GALC: variants seen among roughly 807,000 people sequenced by gnomAD.
GALC encodes the protein galactocerebrosidase.
GALC carries 77 observed loss-of-function variants against 91.8 expected under a neutral mutation model. The observed-to-expected ratio is 0.84, with a 90% CI of 0.70 to 1.01. GALC has a LOEUF of 1.01. Ranked by LOEUF, GALC falls within the 50% of genes least tolerant of loss-of-function variation. GALC has a pLI of 0.00. For missense variants in GALC, 882 were observed against 855.9 expected (o/e 1.03, Z -0.38); for synonymous variants, 357 against 306.7 (o/e 1.16, Z -1.71).
rs36205603 is a variant in GALC, at chr14:87,962,578, TACACACACAC to T, written c.1161+796_1161+805del. ...GGCTGACATTCAGAACCTGATATGA[TACACACACAC>T]ACACACACACACACACACACACACA... On this transcript the variant is annotated intron_variant, in intron 10 of 16. Coordinates refer to ENST00000261304, the MANE Select transcript of GALC (RefSeq NM_000153.4). Among the ~76,000 whole-genome samples the T allele has an allele frequency of 9.0e-3, 1,318 of 146,414 alleles. 5 individuals are homozygous for T. The highest frequency in any genetic ancestry group is 0.025 in the South Asian group (110 of 4,412).
chr14:87,967,062 G>A (rs1022265089), intron 8 of GALC, among the ~76,000 whole-genome samples: 1 of 152,092 alleles, frequency 6.6e-6, no homozygotes, highest in Non-Finnish European at 1.5e-5. Flanking sequence ...CGAGTGTCTC[G>A]GGTGCTTCTT....
chr14:87,962,071 C>T (rs1885828372), intron 10 of GALC, among the ~76,000 whole-genome samples: 2 of 152,044 alleles, frequency 1.3e-5, no homozygotes, highest in South Asian at 4.1e-4. Flanking sequence ...TGACTTCCCA[C>T]CTGTTAGGGA....
chr14:87,967,868 A>C lies in GALC; in HGVS notation c.908+467T>G, dbSNP rs10144227. ...GCTTGACTATTCCTTTTCTTTAAAAAAGCTACAAATGACATTTTTGGGAAA... is the reference window on the plus strand; with the variant it reads ...GCTTGACTATTCCTTTTCTTTAAAACAGCTACAAATGACATTTTTGGGAAA... On this transcript the variant is annotated intron_variant, in intron 8 of 16. Transcript: ENST00000261304. Among the ~76,000 whole-genome samples the C allele has an allele frequency of 7.0e-3, 1,069 of 152,306 alleles. 15 individuals are homozygous for C. Among genetic ancestry groups the C allele is most frequent in the East Asian group, 0.044 (227 of 5,174 alleles).
chr14:87,987,585 A>T (rs1887027028), intron 3 of GALC, among the ~76,000 whole-genome samples: 1 of 152,210 alleles, frequency 6.6e-6, no homozygotes, highest in Non-Finnish European at 1.5e-5. Flanking sequence ...TTCTGTAAAT[A>T]ATAAGCTATA....
At chr14:87,990,050 G>A (rs761636679) in intron 1 of GALC, among the ~76,000 whole-genome samples, 1 of 152,100 alleles carries the variant, frequency 6.6e-6, no homozygotes, top group Admixed American at 6.5e-5. Context: ...GAATTTGAAG[G>A]AAGGATGCCT....
chr14:87,953,329 T>C, intron 10 of GALC: 1 of 1,433,322 alleles, frequency 7.0e-7, no homozygotes, highest in Middle Eastern at 2.5e-4. Context: ...AAAGGCAAGT[T>C]ACGGGAAGAT....
chr14:87,959,402 A>T (rs1786837376), intron 10 of GALC, among the ~76,000 whole-genome samples: 2 of 152,186 alleles, frequency 1.3e-5, no homozygotes, highest in Admixed American at 1.3e-4. Context: ...CCACTATAAA[A>T]AACAGTGTGG....
rs1884855641 is a variant in GALC, at chr14:87,941,552, A to G, written c.1677T>C (p.Asn559=). 7 of 1,572,046 alleles carry G rather than the reference A, an allele frequency of 4.5e-6. No homozygotes were observed. Among genetic ancestry groups the G allele is most frequent in the Non-Finnish European group, 6.1e-6 (7 of 1,142,068 alleles). The change falls in exon 15 of 17, where the codon AAT becomes AAC. Residue 559 remains asparagine (N), a synonymous_variant. Transcript: ENST00000261304. ...ISIIGDYNWT[N]LTIKCDVYIE... ...TGTATACATCACACTTTATAGTCAGATTGGTCCTGCAAAATAAAACGGTTG... is the reference window on the plus strand; with the variant it reads ...TGTATACATCACACTTTATAGTCAGGTTGGTCCTGCAAAATAAAACGGTTG...
At chr14:87,936,920 A>ATATT (rs1257801348) in intron 16 of GALC, among the ~76,000 whole-genome samples, 2 of 141,394 alleles carry the variant, frequency 1.4e-5, no homozygotes, top group African/African-American at 2.7e-5. Context: ...ATATTTATTT[A>ATATT]TTTTCTCATT....
At chr14:87,975,017 T>C (rs1595224842) in intron 7 of GALC, among the ~76,000 whole-genome samples, 1 of 152,106 alleles carries the variant, frequency 6.6e-6, no homozygotes, top group Admixed American at 6.5e-5. Flanking sequence ...ACTTCAACTA[T>C]TTATGAAAGC....
upstream of GALC, chr14:87,993,605 T>C (rs1887339550): frequency 2.5e-6 from 2 of 787,088 alleles, no homozygotes; most frequent in African/African-American, 1.7e-5. Flanking sequence ...AGTTTTCCCT[T>C]ATGTGAGATG....
chr14:87,977,098 C>T (rs896772575), intron 6 of GALC, among the ~76,000 whole-genome samples: 1 of 148,970 alleles, frequency 6.7e-6, no homozygotes, highest in African/African-American at 2.5e-5. Context: ...CATTATTTTG[C>T]TATGCATTCT....
In GALC at chr14:87,934,926, T is replaced by C. The variant is rs147161584; in HGVS notation, c.1912-48A>G. 2.6e-4 allele frequency: 367 copies of C among 1,389,062 alleles called. 1 individual carries two copies. In the African/African-American group the frequency reaches 4.6e-3, roughly 18 times the overall value. 86.0% of individuals were successfully genotyped at this position (1,389,062 alleles called of 1,614,324 possible). A position where few individuals can be genotyped will look rare whatever the true frequency, so the allele number is the denominator to read the frequency against. ...CCTTGAAACCATATGAAAATGGTCC[T>C]CTGAAGTCTGTTTCTTGATCATGTA... On this transcript the variant is annotated intron_variant, in intron 16 of 16. Transcript: ENST00000261304.
intron 10 of GALC, among the ~76,000 whole-genome samples, chr14:87,952,065 A>T (rs995610038): frequency 2.0e-5 from 3 of 151,886 alleles, no homozygotes; most frequent in Admixed American, 6.6e-5. Context: ...TGGAAATAAA[A>T]TTTTTTTAAA....
Position 87,941,434 on chromosome 14 carries a change from T to C in GALC, c.1795A>G (p.Ile599Val). The C allele has an allele frequency of 6.2e-7, 1 of 1,608,538 alleles. No individual in the cohort carries two copies. Among genetic ancestry groups the C allele is most frequent in the East Asian group, 2.2e-5 (1 of 44,738 alleles). Reference protein sequence around the residue: ...IRSARGIFFWIFANGSYRVTG... With the variant: ...IRSARGIFFWVFANGSYRVTG... ...ACCCTGTAAGATCCATTTGCAAAAA[T>C]CCAGAAGAAAATTCCTCTGGCACTT... The change falls in exon 15 of 17, where the codon ATT becomes GTT. Residue 599 changes from isoleucine to valine, a missense_variant. Transcript: ENST00000261304.
At chr14:87,956,622 C>CATAT (rs151139562) in intron 10 of GALC, among the ~76,000 whole-genome samples, 16 of 145,792 alleles carry the variant, frequency 1.1e-4, no homozygotes, top group African/African-American at 3.5e-4. Flanking sequence ...ACACACACAC[C>CATAT]ATATATATAT....
At chr14:87,959,851 A>G (rs1470776464) in intron 10 of GALC, 2 of 152,196 alleles carry the variant, frequency 1.3e-5, no homozygotes, top group Non-Finnish European at 2.9e-5. Context: ...TTAAAACACT[A>G]TTTACAATAG....
chr14:87,955,473 G>C (rs1274251158), intron 10 of GALC, among the ~76,000 whole-genome samples: 2 of 152,008 alleles, frequency 1.3e-5, no homozygotes, highest in Non-Finnish European at 2.9e-5. Context: ...TTGCCCATTT[G>C]TTCACTGTAT....
At chr14:87,987,466 A>G (rs1005861518) in intron 3 of GALC, among the ~76,000 whole-genome samples, 1 of 152,236 alleles carries the variant, frequency 6.6e-6, no homozygotes, top group African/African-American at 2.4e-5. Context: ...TTTTTCTTCA[A>G]CATAAACACT....
Sources: allele counts gnomAD v4.1 joint callset (sites outside exome capture counted in the v4.1 genomes callset), GRCh38; gene constraint gnomAD v4.1.1; transcripts MANE v1.5; gene names NCBI Gene and HGNC (gene_info 2026-07-23, HGNC 2026-07-21).